Variants in PRRX1 observed in about 807,000 individuals in gnomAD.
PRRX1 encodes paired mesoderm homeobox protein 1.
In PRRX1, 8 loss-of-function variants were observed where a neutral mutation model predicts 24.0. The observed-to-expected ratio is 0.33, with a 90% CI of 0.20 to 0.60. The LOEUF (loss-of-function observed/expected upper bound fraction) is 0.60. Among genes scored for constraint, PRRX1 ranks in the 20% least tolerant of loss-of-function variants. The pLI is 0.82. For missense variants in PRRX1, 281 were observed against 322.4 expected, an observed-to-expected ratio of 0.87 and a Z score of 0.98; for synonymous variants, 160 against 131.7, an observed-to-expected ratio of 1.22 and a Z score of -1.47.
At chr1:170,726,581 G>T (rs1406413000) in intron 3 of PRRX1, 180 bp downstream of exon 3, 1 of 715,730 alleles carries the variant, frequency 1.4e-6, no homozygotes, top group Non-Finnish European at 2.3e-6. Context: ...CAGCAGCAGG[G>T]TTTGGGGCAG....
In PRRX1 at chr1:170,719,727, T is replaced by A; in HGVS notation, c.243T>A (p.Asn81Lys). Residue 81 changes from asparagine to lysine, a missense_variant and splice_region_variant, in exon 2 of 4, where the codon AAT becomes AAA. By Grantham distance (94) the Asn-to-Lys change is moderately conservative (BLOSUM62 0). Transcript: ENST00000239461. ...TSGSDTPQQDNDQLNSEEKKK... is the reference protein window; with the variant it reads ...TSGSDTPQQDKDQLNSEEKKK... ...TTTCATCATTGTGTTCTATTCCAGATGACCAGCTGAACTCAGAAGAAAAAA... is the reference window on the plus strand; with the variant it reads ...TTTCATCATTGTGTTCTATTCCAGAAGACCAGCTGAACTCAGAAGAAAAAA... The A allele has an allele frequency of 6.2e-7, 1 of 1,614,058 alleles. No homozygotes were observed. The highest frequency in any genetic ancestry group is 8.5e-7 in the Non-Finnish European group (1 of 1,179,970).
chr1:170,734,663 GCA>G (rs1196863313), intron 3 of PRRX1, among the ~76,000 whole-genome samples: 4 of 148,264 alleles, frequency 2.7e-5, no homozygotes, highest in Admixed American at 6.8e-5. Context: ...ATGTATGTGT[GCA>G]CACACACACA....
intron 1 of PRRX1, among the ~76,000 whole-genome samples, chr1:170,689,818 C>CTCTCTCTCTA (rs1653869870): frequency 1.2e-5 from 1 of 86,190 alleles, no homozygotes; most frequent in African/African-American, 5.1e-5. Flanking sequence ...TATTCCGTCT[C>CTCTCTCTCTA]TCTCTCTCTC....
chr1:170,696,648 G>C (rs781764570), intron 1 of PRRX1, among the ~76,000 whole-genome samples: 3 of 152,094 alleles, frequency 2.0e-5, no homozygotes, highest in Non-Finnish European at 4.4e-5. Context: ...AATTTTAAAG[G>C]TTCCACACTG....
chr1:170,671,817 A>G (rs1312768019), intron 1 of PRRX1, among the ~76,000 whole-genome samples: 1 of 152,082 alleles, frequency 6.6e-6, no homozygotes, highest in Non-Finnish European at 1.5e-5. Flanking sequence ...GGGTGCTAGG[A>G]CTGACGCCTG....
intron 1 of PRRX1, among the ~76,000 whole-genome samples, chr1:170,697,744 A>C (rs941531107): frequency 1.7e-4 from 25 of 147,592 alleles, no homozygotes; most frequent in Non-Finnish European, 1.8e-4. Flanking sequence ...ATATATAAAT[A>C]TATATACATA....
At chr1:170,692,501 T>C (rs1654022463) in intron 1 of PRRX1, among the ~76,000 whole-genome samples, 1 of 151,922 alleles carries the variant, frequency 6.6e-6, no homozygotes, top group Non-Finnish European at 1.5e-5. Flanking sequence ...GTTGTGTGTA[T>C]TTGATGAAAA....
intron 3 of PRRX1, chr1:170,730,189 C>T (rs1655384455): frequency 1.8e-6 from 2 of 1,105,950 alleles, no homozygotes; most frequent in Admixed American, 3.4e-5. Context: ...CATCCTTCTC[C>T]TCCCCTCATT....
intron 1 of PRRX1, among the ~76,000 whole-genome samples, chr1:170,702,930 A>G (rs1265328693): frequency 6.6e-6 from 1 of 152,198 alleles, no homozygotes; most frequent in Non-Finnish European, 1.5e-5. Context: ...TAATGCTCCC[A>G]CTATTCTGAG....
At chr1:170,720,348 T>C (rs1201854229) in intron 2 of PRRX1, among the ~76,000 whole-genome samples, 1 of 152,180 alleles carries the variant, frequency 6.6e-6, no homozygotes, top group Non-Finnish European at 1.5e-5. Context: ...CTGGTACTTA[T>C]AAGGGTTACA....
chr1:170,711,531 G>T (rs1310901802), intron 1 of PRRX1, among the ~76,000 whole-genome samples: 1 of 151,894 alleles, frequency 6.6e-6, no homozygotes, highest in Non-Finnish European at 1.5e-5. Context: ...TTCCAGTCTT[G>T]GTTTTTTAGA....
intron 1 of PRRX1, among the ~76,000 whole-genome samples, chr1:170,687,203 C>A (rs1230363326): frequency 6.6e-6 from 1 of 151,882 alleles, no homozygotes; most frequent in Non-Finnish European, 1.5e-5. Flanking sequence ...AGGCAATTTC[C>A]AAAACCCCAT....
intron 1 of PRRX1, among the ~76,000 whole-genome samples, chr1:170,675,391 G>C (rs1022260397): frequency 5.9e-5 from 9 of 152,046 alleles, no homozygotes; most frequent in African/African-American, 2.2e-4. Flanking sequence ...AAAATTAGTC[G>C]GGGAAAAATT....
rs566173745 is a variant in PRRX1 at position 170,714,867 on chromosome 1, A to G, written c.242-4859A>G. Among the ~76,000 whole-genome samples, 23 of 152,236 alleles carry G rather than the reference A, an allele frequency of 1.5e-4. No homozygotes were observed. In the East Asian group the frequency reaches 4.3e-3, roughly 28 times the overall value. ...TATTGTTCTCTTTAACTCATATTTGAATGCACAGAGGGTAGCCTACCTTGG... is the reference window on the plus strand; with the variant it reads ...TATTGTTCTCTTTAACTCATATTTGGATGCACAGAGGGTAGCCTACCTTGG... On this transcript the variant is annotated intron_variant, in intron 1 of 3. Transcript: ENST00000239461.
intron 1 of PRRX1, among the ~76,000 whole-genome samples, chr1:170,666,428 A>G (rs1244397341): frequency 6.6e-6 from 1 of 151,508 alleles, no homozygotes; most frequent in Non-Finnish European, 1.5e-5. Context: ...AAAAAAAAAA[A>G]AAAAAAAAAA....
chr1:170,669,768 A>AC (rs907102208), intron 1 of PRRX1, among the ~76,000 whole-genome samples: 1 of 151,640 alleles, frequency 6.6e-6, no homozygotes, highest in African/African-American at 2.4e-5. Context: ...CTGCATTGCG[A>AC]CCCCCGGCGC....
intron 2 of PRRX1, 57 bp downstream of exon 2, chr1:170,719,958 C>T: frequency 6.3e-7 from 1 of 1,597,168 alleles, no homozygotes. Context: ...AGGCACATCT[C>T]TGAAAACTGT....
chr1:170,721,612 C>G (rs1655088254), intron 2 of PRRX1, among the ~76,000 whole-genome samples: 1 of 152,110 alleles, frequency 6.6e-6, no homozygotes. Flanking sequence ...GTCGTGGGAG[C>G]CTGTGGGGCC....
intron 3 of PRRX1, among the ~76,000 whole-genome samples, chr1:170,729,683 A>G (rs1655367270): frequency 6.6e-6 from 1 of 152,044 alleles, no homozygotes. Flanking sequence ...TCATGACCTC[A>G]CTCATTCCCT....
Sources: gnomAD v4.1 joint callset for allele counts (sites outside exome capture counted in the v4.1 genomes callset) on GRCh38, gnomAD v4.1.1 for gene constraint, MANE v1.5 for transcripts, NCBI Gene and HGNC (gene_info 2026-07-23, HGNC 2026-07-21) for gene names.